The following HPCAL1 variants were observed in gnomAD, a reference collection of about 807,000 sequenced individuals.
HPCAL1 encodes the protein hippocalcin-like protein 1.
In HPCAL1, 8 loss-of-function variants were observed where a neutral mutation model predicts 17.1. The ratio of observed to expected loss-of-function variants is 0.47; its 90% CI spans 0.27 to 0.84. The LOEUF is 0.84. Ranked by LOEUF, HPCAL1 falls within the 40% of genes least tolerant of loss-of-function variation. The probability of loss-of-function intolerance (pLI) is 0.13; values close to 1 mark genes in which losing one functional copy is unlikely to be tolerated. For synonymous variants in HPCAL1, 112 were observed against 111.4 expected, an observed-to-expected ratio of 1.01 and a Z score of -0.03; for missense variants, 165 against 271.1, an observed-to-expected ratio of 0.61 and a Z score of 2.75.
intron 1 of HPCAL1, among the ~76,000 whole-genome samples, chr2:10,351,605 A>G (rs1274516421): frequency 6.6e-6 from 1 of 152,126 alleles, no homozygotes; most frequent in Non-Finnish European, 1.5e-5. Context: ...CTAAAAAGAA[A>G]AAAATTAGCC....
At chr2:10,382,960 G>A (rs1668058202) in intron 1 of HPCAL1, among the ~76,000 whole-genome samples, 1 of 152,204 alleles carries the variant, frequency 6.6e-6, no homozygotes, top group African/African-American at 2.4e-5. Flanking sequence ...CGGCTCGCTT[G>A]TGCACCACTC....
Position 10,363,359 on chromosome 2 carries a change from G to A in HPCAL1, c.-110-33476G>A, listed in dbSNP as rs1339807226. ...CAGGTGGGCAGGAGCTGCTGGGGGT[G>A]CTGGGCAGACGTTTACCGTCCAGCA... On this transcript the variant is annotated intron_variant, in intron 1 of 4. Transcript: ENST00000307845. This position sits in a 1 kb window ranked among gnomAD's most constrained non-coding sequence, Gnocchi z 4.7. 2.0e-5 allele frequency among the ~76,000 whole-genome samples: 3 copies of A among 152,134 alleles called. No individual in the cohort carries two copies. The highest frequency in any genetic ancestry group is 4.8e-5 in the African/African-American group (2 of 41,426).
chr2:10,422,937 C>A, intron 3 of HPCAL1, 46 bp from the exon 4 acceptor site: 1 of 1,431,636 alleles, frequency 7.0e-7, no homozygotes, highest in Non-Finnish European at 9.8e-7. Context: ...TGCACCCGCC[C>A]AAGCCCCCGG....
At chr2:10,357,836 G>GA (rs112651247) in intron 1 of HPCAL1, among the ~76,000 whole-genome samples, 80,769 of 147,478 alleles carry the variant, frequency 0.55, 22,389 homozygotes, top group East Asian at 0.81. Flanking sequence ...CTTTAGGCAG[G>GA]AAAAAAAAAA....
In HPCAL1 at chr2:10,344,687, G is replaced by T. The variant is rs1167873456; in HGVS notation, c.-111+41510G>T. Among the ~76,000 whole-genome samples the T allele has an allele frequency of 1.3e-5, 2 of 152,070 alleles. No individual in the cohort carries two copies. Among genetic ancestry groups the T allele is most frequent in the African/African-American group, 4.8e-5 (2 of 41,398 alleles). On this transcript the variant is annotated intron_variant, in intron 1 of 4. Coordinates refer to ENST00000307845, the MANE Select transcript of HPCAL1 (RefSeq NM_002149.4). This position sits in a 1 kb window ranked among gnomAD's most constrained non-coding sequence, Gnocchi z 4.9. The stretch of plus-strand genomic sequence containing the variant: ...CTGCTCCCCCTTCCCTTCCTCCCAG[G>T]ACTTGCTCTGTCTCTGTCTCTTTCT...
intron 1 of HPCAL1, among the ~76,000 whole-genome samples, chr2:10,318,776 C>T (rs1429962610): frequency 1.3e-5 from 2 of 152,196 alleles, no homozygotes; most frequent in African/African-American, 4.8e-5. Flanking sequence ...GACCCACTCC[C>T]TTGCAGTGTA....
At chr2:10,411,792 C>T (rs114338829) in intron 2 of HPCAL1, among the ~76,000 whole-genome samples, 2,300 of 152,288 alleles carry the variant, frequency 0.015, 35 homozygotes, top group South Asian at 0.04. Context: ...CTCCAGTCCC[C>T]TGCTCGGAGG....
At position 10,426,949 on chromosome 2, in the gene HPCAL1, C is replaced by T; in HGVS notation, c.*128C>T. ...CCCCGGGCCTGGGGCATGCGTTGCA[C>T]CTGCCCAGCCCGGTGGCTGCGCCTC... On this transcript the variant is annotated 3_prime_UTR_variant, in exon 5 of 5. Transcript: ENST00000307845. The T allele has an allele frequency of 1.3e-6, 1 of 794,654 alleles. No individual in the cohort carries two copies. Among genetic ancestry groups the T allele is most frequent in the Non-Finnish European group, 2.1e-6 (1 of 483,918 alleles). 49.2% of individuals were successfully genotyped at this position (794,654 alleles called of 1,614,324 possible).
chr2:10,317,417 ATTT>A (rs33931208), intron 1 of HPCAL1, among the ~76,000 whole-genome samples: 40 of 131,494 alleles, frequency 3.0e-4, no homozygotes, highest in African/African-American at 2.6e-4. Flanking sequence ...TAATTCAACA[ATTT>A]TTTTTTTTTT....
At chr2:10,315,117 C>T (rs1346816782) in intron 1 of HPCAL1, among the ~76,000 whole-genome samples, 2 of 152,000 alleles carry the variant, frequency 1.3e-5, no homozygotes, top group Non-Finnish European at 2.9e-5. Flanking sequence ...CGGTGAAACC[C>T]CGTCTCTACT....
chr2:10,373,501 A>G (rs190946774), intron 1 of HPCAL1, among the ~76,000 whole-genome samples: 27 of 152,366 alleles, frequency 1.8e-4, no homozygotes, highest in Admixed American at 1.8e-3. Flanking sequence ...AAATGTTCCT[A>G]GAAACTGGAG....
intron 1 of HPCAL1, among the ~76,000 whole-genome samples, chr2:10,389,789 A>T (rs1338200791): frequency 6.6e-6 from 1 of 152,116 alleles, no homozygotes; most frequent in African/African-American, 2.4e-5. Context: ...TGGAATGTAC[A>T]TGGATGTTTG....
In HPCAL1 at chr2:10,408,195, T is replaced by G. The variant is rs115468617; in HGVS notation, c.-25+11275T>G. Among the ~76,000 whole-genome samples, 530 of 152,336 alleles carry G rather than the reference T, an allele frequency of 3.5e-3. 5 individuals carry two copies. Among genetic ancestry groups the G allele is most frequent in the Middle Eastern group, 6.8e-3 (2 of 294 alleles). ...TTCTCACCAGCTTCATTTAGGGCATTTCAGCCTTGAGAGGGTGGAAAAGAA... is the reference window on the plus strand; with the variant it reads ...TTCTCACCAGCTTCATTTAGGGCATGTCAGCCTTGAGAGGGTGGAAAAGAA... On this transcript the variant is annotated intron_variant, in intron 2 of 4. Coordinates refer to ENST00000307845, the MANE Select transcript of HPCAL1 (RefSeq NM_002149.4).
intron 1 of HPCAL1, among the ~76,000 whole-genome samples, chr2:10,340,916 C>T (rs1486579177): frequency 6.6e-6 from 1 of 152,186 alleles, no homozygotes; most frequent in Non-Finnish European, 1.5e-5. Context: ...AACTCTCAAA[C>T]TCCTCTTCTC....
rs1665301960 is a variant in HPCAL1 at position 10,344,754 on chromosome 2, C to T, written c.-111+41577C>T. ...GTCTCTATGTGTCTGTTTCTCTCTC[C>T]CTCTTTCTGTGTGTGTCTCTCTCTG... On this transcript the variant is annotated intron_variant, in intron 1 of 4. Coordinates refer to ENST00000307845, the MANE Select transcript of HPCAL1 (RefSeq NM_002149.4). This position sits in a 1 kb window ranked among gnomAD's most constrained non-coding sequence, Gnocchi z 4.9. Among the ~76,000 whole-genome samples the T allele has an allele frequency of 6.6e-6, 1 of 151,338 alleles. No homozygotes were observed. The highest frequency in any genetic ancestry group is 2.1e-4 in the South Asian group (1 of 4,750).
intron 1 of HPCAL1, among the ~76,000 whole-genome samples, chr2:10,372,699 C>T (rs181261377): frequency 4.9e-4 from 74 of 152,330 alleles, no homozygotes; most frequent in Admixed American, 4.4e-3. Flanking sequence ...CATCGCTCTC[C>T]GTCAGCCACG....
intron 1 of HPCAL1, among the ~76,000 whole-genome samples, chr2:10,348,461 A>T (rs1479704327): frequency 6.6e-6 from 1 of 151,586 alleles, no homozygotes; most frequent in African/African-American, 2.4e-5. Context: ...AAAACAAAAA[A>T]CAACAACAGA....
At chr2:10,409,787 T>C (rs1165735799) in intron 2 of HPCAL1, among the ~76,000 whole-genome samples, 5 of 98,466 alleles carry the variant, frequency 5.1e-5, no homozygotes, top group Admixed American at 2.9e-4. Context: ...CTTTTTTTTT[T>C]TTTTTTTTTT....
chr2:10,417,844 C>A (rs1255843752), intron 2 of HPCAL1, among the ~76,000 whole-genome samples: 1 of 151,728 alleles, frequency 6.6e-6, no homozygotes, highest in Admixed American at 6.6e-5. Flanking sequence ...GAGCTTGAGA[C>A]TGGCCTGGGC....
Sources: allele counts gnomAD v4.1 joint callset (sites outside exome capture counted in the v4.1 genomes callset), GRCh38; gene constraint gnomAD v4.1.1; non-coding constraint Gnocchi (gnomAD v3.1); transcripts MANE v1.5; gene names NCBI Gene and HGNC (gene_info 2026-07-23, HGNC 2026-07-21).